The following IGFL2 variants were observed in gnomAD, a reference collection of about 807,000 sequenced individuals.
The protein encoded by IGFL2 is IGF like family member 2.
Under a neutral mutation model 13.9 loss-of-function variants are expected in IGFL2, and 7 were observed. The observed-to-expected ratio is 0.51, with a 90% CI of 0.29 to 0.95. The LOEUF is 0.95. IGFL2 is among the 40% of genes least tolerant of loss of function. The pLI, the probability that IGFL2 is intolerant of heterozygous loss-of-function variation, is 0.08. For synonymous variants in IGFL2, 55 were observed against 55.8 expected, an observed-to-expected ratio of 0.99 and a Z score of 0.07; for missense variants, 138 against 147.8, an observed-to-expected ratio of 0.93 and a Z score of 0.34.
At chr19:46,124,110 C>A in the IGFL2 span, 2 of 1,611,332 alleles carry the variant, frequency 1.2e-6, no homozygotes, top group Non-Finnish European at 1.7e-6. Context: ...TGTTCCCACA[C>A]CTGGGTGTCG....
chr19:46,116,582 G>T, the IGFL2 span, among the ~76,000 whole-genome samples: 1 of 152,142 alleles, frequency 6.6e-6, no homozygotes, highest in Non-Finnish European at 1.5e-5. Context: ...TCACTCTGTT[G>T]CACAGGCTAG....
At chr19:46,193,969 G>T in the IGFL2 span, among the ~76,000 whole-genome samples, 1 of 152,124 alleles carries the variant, frequency 6.6e-6, no homozygotes, top group Admixed American at 6.5e-5. Context: ...GGCCATTTCT[G>T]GGAGCCTAGA....
the IGFL2 span, among the ~76,000 whole-genome samples, chr19:46,133,670 T>C: frequency 6.6e-6 from 1 of 152,218 alleles, no homozygotes; most frequent in Non-Finnish European, 1.5e-5. Flanking sequence ...CTAGCAGATA[T>C]TTAAGAATAT....
intron 1 of IGFL2, among the ~76,000 whole-genome samples, chr19:46,158,162 A>T (rs1973924612): frequency 6.6e-6 from 1 of 152,172 alleles, no homozygotes; most frequent in African/African-American, 2.4e-5. Context: ...TGGATTGTAA[A>T]ACTCAACTAG....
the IGFL2 span, among the ~76,000 whole-genome samples, chr19:46,102,572 C>G: frequency 1.3e-5 from 2 of 151,952 alleles, no homozygotes; most frequent in African/African-American, 4.8e-5. Context: ...TGTATTGTCA[C>G]AAAGTCAATT....
chr19:46,092,371 C>A, the IGFL2 span, among the ~76,000 whole-genome samples: 1 of 152,026 alleles, frequency 6.6e-6, no homozygotes, highest in Non-Finnish European at 1.5e-5. Flanking sequence ...TGGCTCACAC[C>A]TGTAATCCCA....
the IGFL2 span, among the ~76,000 whole-genome samples, chr19:46,133,876 G>A: frequency 6.6e-6 from 1 of 152,132 alleles, no homozygotes; most frequent in African/African-American, 2.4e-5. Flanking sequence ...CTGACATGAG[G>A]TCAAAATAGT....
the IGFL2 span, chr19:46,196,373 C>G: frequency 2.4e-5 from 4 of 165,188 alleles, no homozygotes; most frequent in African/African-American, 9.6e-5. Flanking sequence ...TGCCTGGCCT[C>G]CTCCTCAGAC....
chr19:46,160,257 A>T, intron 1 of IGFL2, 158 bp from the exon 2 acceptor site: 2 of 651,994 alleles, frequency 3.1e-6, no homozygotes, highest in East Asian at 5.5e-5. Context: ...CTGGACTCTT[A>T]ACTGTGTCAG....
chr19:46,177,934 C>CA, the IGFL2 span, among the ~76,000 whole-genome samples: 1 of 152,134 alleles, frequency 6.6e-6, no homozygotes, highest in Non-Finnish European at 1.5e-5. Flanking sequence ...CCCTTGTGTT[C>CA]AATCCCTTCC....
At chr19:46,164,477 A>G (rs572047176), downstream of IGFL2, 1 of 152,282 alleles carries the variant, frequency 6.6e-6, no homozygotes, top group Non-Finnish European at 1.5e-5. Flanking sequence ...CCCAGGGAGA[A>G]TTCAAACCTC....
upstream of IGFL2, among the ~76,000 whole-genome samples, chr19:46,140,001 G>T (rs1342588299): frequency 3.9e-5 from 6 of 152,076 alleles, no homozygotes; most frequent in Non-Finnish European, 8.8e-5. Context: ...CCAGGCTGGA[G>T]TGCAGTGACA....
chr19:46,131,308 T>C, the IGFL2 span, among the ~76,000 whole-genome samples: 1 of 152,220 alleles, frequency 6.6e-6, no homozygotes. Flanking sequence ...TAGCTTTGTT[T>C]TAAATTTTAA....
chr19:46,176,617 A>T, the IGFL2 span, among the ~76,000 whole-genome samples: 1 of 152,114 alleles, frequency 6.6e-6, no homozygotes, highest in Non-Finnish European at 1.5e-5. Flanking sequence ...AACCTGGAAT[A>T]ACCTCAACTG....
the IGFL2 span, among the ~76,000 whole-genome samples, chr19:46,177,504 T>C: frequency 6.6e-6 from 1 of 152,008 alleles, no homozygotes; most frequent in Middle Eastern, 3.4e-3. Flanking sequence ...TATAAAATAC[T>C]CCACATAAGA....
chr19:46,180,236 T>A, the IGFL2 span, among the ~76,000 whole-genome samples: 1 of 150,622 alleles, frequency 6.6e-6, no homozygotes, highest in African/African-American at 2.4e-5. Context: ...TGGAGTGCAG[T>A]GGCACGATCT....
chr19:46,104,695 G>A, the IGFL2 span, among the ~76,000 whole-genome samples: 2 of 152,070 alleles, frequency 1.3e-5, no homozygotes, highest in African/African-American at 2.4e-5. Context: ...GGAAGGGAGC[G>A]GGCCTGAACA....
the IGFL2 span, among the ~76,000 whole-genome samples, chr19:46,092,283 C>T: frequency 6.6e-6 from 1 of 152,074 alleles, no homozygotes; most frequent in Non-Finnish European, 1.5e-5. Context: ...CCTCAGTCCC[C>T]TGAGTATCTG....
At chr19:46,160,543 G>T (rs1273849251) in intron 2 of IGFL2, 71 bp from the exon 3 acceptor site, 8 of 1,612,130 alleles carry the variant, frequency 5.0e-6, no homozygotes, top group Non-Finnish European at 6.8e-6. Flanking sequence ...TTCACAGAGG[G>T]CTCCTGATTG....
Sources: gnomAD v4.1 joint callset for allele counts (sites outside exome capture counted in the v4.1 genomes callset) on GRCh38, gnomAD v4.1.1 for gene constraint, MANE v1.5 for transcripts, NCBI Gene and HGNC (gene_info 2026-07-23, HGNC 2026-07-21) for gene names.